OR51B5: variants seen among roughly 807,000 people sequenced by gnomAD.
OR51B5 encodes olfactory receptor 51B5.
For synonymous variants in OR51B5, 186 were observed against 144.8 expected, an observed-to-expected ratio of 1.28 and a Z score of -2.04; for missense variants, 456 against 374.6, an observed-to-expected ratio of 1.22 and a Z score of -1.79.
chr11:5,394,200 C>T (rs1347639154), intron 1 of OR51B5, among the ~76,000 whole-genome samples: 2 of 151,960 alleles, frequency 1.3e-5, no homozygotes, highest in African/African-American at 2.4e-5. Context: ...ATTCTAAGGG[C>T]ATAATACACT....
At chr11:5,470,859 C>A (rs889125704) in intron 1 of OR51B5, among the ~76,000 whole-genome samples, 1 of 152,168 alleles carries the variant, frequency 6.6e-6, no homozygotes, top group South Asian at 2.1e-4. Context: ...TGAGGATCAC[C>A]CAGCTTAGTA....
chr11:5,464,022 C>A (rs2647594), intron 1 of OR51B5, among the ~76,000 whole-genome samples: 1,813 of 152,268 alleles, frequency 0.012, 37 homozygotes, highest in African/African-American at 0.042. Flanking sequence ...AAGGCAAATA[C>A]CCCAGAACTA....
intron 1 of OR51B5, chr11:5,440,434 C>T: frequency 1.6e-6 from 1 of 606,732 alleles, no homozygotes. Flanking sequence ...ATTTTATAGT[C>T]AAATATTATT....
At chr11:5,367,519 T>C (rs375018430) in intron 1 of OR51B5, among the ~76,000 whole-genome samples, 2 of 152,296 alleles carry the variant, frequency 1.3e-5, no homozygotes, top group South Asian at 4.2e-4. Context: ...GTCATAGTGC[T>C]GGTGGGAGAG....
At chr11:5,425,842 A>G (rs1850441217) in intron 1 of OR51B5, among the ~76,000 whole-genome samples, 1 of 152,212 alleles carries the variant, frequency 6.6e-6, no homozygotes, top group African/African-American at 2.4e-5. Context: ...ATTAGTTCAA[A>G]TAGAAGCTAG....
chr11:5,471,558 C>T (rs1199892868), intron 1 of OR51B5, among the ~76,000 whole-genome samples: 3 of 151,112 alleles, frequency 2.0e-5, no homozygotes, highest in African/African-American at 7.3e-5. Context: ...ATCCCTTGAA[C>T]TCGGGAAGTG....
rs77454396 is a variant in OR51B5, at chr11:5,498,582, A to G, written n.84+6987T>C. The stretch of plus-strand genomic sequence containing the variant: ...TATACCCAAAATGTAAGTCAAAACG[A>G]TATTAGTTTCAGTATGTCTCCTTAT... On this transcript the variant is annotated intron_variant and non_coding_transcript_variant, in intron 1 of 4. Coordinates refer to the OR51B5 transcript ENST00000415970. 6.6e-3 allele frequency among the ~76,000 whole-genome samples: 1,003 copies of G among 152,294 alleles called. 11 individuals are homozygous for G. The highest frequency in any genetic ancestry group is 0.022 in the African/African-American group (922 of 41,574).
chr11:5,414,008 A>G (rs1206730722), intron 1 of OR51B5, among the ~76,000 whole-genome samples: 1 of 148,678 alleles, frequency 6.7e-6, no homozygotes. Context: ...GAAATGAAGG[A>G]AAAAATGTTA....
At chr11:5,391,247 G>A (rs1215802924) in intron 1 of OR51B5, 3 of 152,254 alleles carry the variant, frequency 2.0e-5, no homozygotes, top group African/African-American at 7.2e-5. Flanking sequence ...TCCTTGCAGG[G>A]GTCTCAGCTT....
chr11:5,355,112 C>T (rs188570465), intron 1 of OR51B5: 5 of 178,924 alleles, frequency 2.8e-5, no homozygotes, highest in East Asian at 1.3e-4. Flanking sequence ...AGGAAGCTTA[C>T]GGACTATGAC....
At chr11:5,437,080 A>G (rs923182630) in intron 1 of OR51B5, among the ~76,000 whole-genome samples, 5 of 152,168 alleles carry the variant, frequency 3.3e-5, no homozygotes, top group Non-Finnish European at 5.9e-5. Context: ...TTGGGAATAA[A>G]AAGATAAGAA....
chr11:5,443,459 T>G (rs1850721272), intron 1 of OR51B5, among the ~76,000 whole-genome samples: 1 of 152,062 alleles, frequency 6.6e-6, no homozygotes, highest in Non-Finnish European at 1.5e-5. Context: ...TAAACCCACA[T>G]TTAAAGTCCA....
rs193135357 is a variant in OR51B5, at chr11:5,448,164, T to A, written n.84+57405A>T. ...GTCTTGTGTGTTCGCCAATATTTGGTTAACAATTCATTAATTTTTCTCAAT... is the reference window on the plus strand; with the variant it reads ...GTCTTGTGTGTTCGCCAATATTTGGATAACAATTCATTAATTTTTCTCAAT... On this transcript the variant is annotated intron_variant and non_coding_transcript_variant, in intron 1 of 4. Coordinates refer to the OR51B5 transcript ENST00000415970. Among the ~76,000 whole-genome samples the A allele has an allele frequency of 8.0e-3, 1,211 of 152,316 alleles. 11 individuals carry two copies. The highest frequency in any genetic ancestry group is 0.025 in the South Asian group (121 of 4,818).
chr11:5,353,145 C>CAATT (rs1370687007), intron 1 of OR51B5, among the ~76,000 whole-genome samples: 1 of 152,014 alleles, frequency 6.6e-6, no homozygotes, highest in Non-Finnish European at 1.5e-5. Context: ...CCATTTCCCT[C>CAATT]AATTACTTTC....
intron 1 of OR51B5, among the ~76,000 whole-genome samples, chr11:5,379,227 C>G (rs1849574034): frequency 1.3e-5 from 2 of 151,976 alleles, no homozygotes; most frequent in East Asian, 3.9e-4. Context: ...AACCAAACAC[C>G]ACATATTCTC....
chr11:5,344,345 TA>T, upstream of OR51B5, among the ~76,000 whole-genome samples: 1 of 152,340 alleles, frequency 6.6e-6, no homozygotes, highest in Non-Finnish European at 1.5e-5. Context: ...TTTTTCTTTT[TA>T]AATTATTTTT....
chr11:5,430,219 A>G (rs1460304101), intron 1 of OR51B5, among the ~76,000 whole-genome samples: 2 of 151,022 alleles, frequency 1.3e-5, no homozygotes, highest in Admixed American at 1.3e-4. Context: ...TCCTAGGATA[A>G]TATTTTTTTA....
intron 1 of OR51B5, among the ~76,000 whole-genome samples, chr11:5,471,550 C>A (rs1236136728): frequency 6.6e-6 from 1 of 151,708 alleles, no homozygotes; most frequent in East Asian, 1.9e-4. Flanking sequence ...GCAGTAGAAT[C>A]CCTTGAACTC....
intron 1 of OR51B5, chr11:5,431,353 G>GT: frequency 3.4e-6 from 1 of 295,142 alleles, no homozygotes; most frequent in South Asian, 3.4e-5. Context: ...AAGAATGCCT[G>GT]TAACAGTAGC....
Sources: gnomAD v4.1 joint callset for allele counts (sites outside exome capture counted in the v4.1 genomes callset) on GRCh38, gnomAD v4.1.1 for gene constraint, MANE v1.5 for transcripts, NCBI Gene and HGNC (gene_info 2026-07-23, HGNC 2026-07-21) for gene names.